ABLIM2: variants seen among roughly 807,000 people sequenced by gnomAD.
ABLIM2 encodes actin-binding LIM protein 2.
In ABLIM2, 53 loss-of-function variants were observed where a neutral mutation model predicts 97.7. The observed-to-expected ratio is 0.54, with a 90% CI of 0.44 to 0.68. The LOEUF is 0.68. Ranked by LOEUF, ABLIM2 falls within the 30% of genes least tolerant of loss-of-function variation. ABLIM2 has a pLI of 0.00. For synonymous variants in ABLIM2, 361 were observed against 345.8 expected, an observed-to-expected ratio of 1.04 and a Z score of -0.49; for missense variants, 835 against 867.2, an observed-to-expected ratio of 0.96 and a Z score of 0.47.
Position 8,061,037 on chromosome 4 carries a change from G to T in ABLIM2, c.693C>A (p.Tyr231Ter). The change falls in exon 7 of 21, where the codon TAC (tyrosine) becomes TAA (stop). Residue 231 changes from tyrosine (Y) to a stop codon, truncating the protein, a stop_gained. Transcript: ENST00000447017. LOFTEE classifies it high-confidence loss of function. The surrounding 1 kb of genome is among the most constrained non-coding windows in gnomAD (Gnocchi z 4.5). ...TGACACATAGCGCGCAGGAAGGGTG[G>T]TAGTGCTTCTCTCCGGCCTGTAAGA... ...GRVLEAGEKH[Y>*]HPSCALCVRC... is the part of the protein sequence containing the mutation. 1 of 1,594,526 alleles carries T rather than the reference G, an allele frequency of 6.3e-7. No homozygotes were observed.
chr4:7,987,067 C>G (rs1329870519), intron 17 of ABLIM2, among the ~76,000 whole-genome samples: 1 of 152,226 alleles, frequency 6.6e-6, no homozygotes. Context: ...ATTGCAACCT[C>G]TGCTTCCTGG....
At chr4:8,144,783 T>C (rs1449244503) in intron 1 of ABLIM2, among the ~76,000 whole-genome samples, 1 of 152,264 alleles carries the variant, frequency 6.6e-6, no homozygotes, top group Non-Finnish European at 1.5e-5. Flanking sequence ...GCTATGCTGC[T>C]GTTCTCTACC....
rs1841109513 is a variant in ABLIM2 at position 8,112,982 on chromosome 4, G to A, written c.11-6345C>T. On this transcript the variant is annotated intron_variant, in intron 1 of 20. Coordinates refer to ENST00000447017, the MANE Select transcript of ABLIM2 (RefSeq NM_001130083.2). The surrounding 1 kb of genome is among the most constrained non-coding windows in gnomAD (Gnocchi z 4.2). ...CACCAGCGTGACAGGCACAGGAAGA[G>A]GGACATGCCAGGCCAAAAGGGCATA... is the stretch of plus-strand genomic sequence containing the variant. Among the ~76,000 whole-genome samples the A allele has an allele frequency of 6.6e-6, 1 of 152,230 alleles. No homozygotes were observed. Among genetic ancestry groups the A allele is most frequent in the Non-Finnish European group, 1.5e-5 (1 of 68,042 alleles).
intron 1 of ABLIM2, among the ~76,000 whole-genome samples, chr4:8,158,022 G>A (rs941133100): frequency 6.6e-6 from 1 of 152,256 alleles, no homozygotes; most frequent in African/African-American, 2.4e-5. Flanking sequence ...CTCCAGCGCT[G>A]TGGGATTTTT....
intron 10 of ABLIM2, among the ~76,000 whole-genome samples, chr4:8,035,233 G>A (rs1187993125): frequency 6.6e-6 from 1 of 152,004 alleles, no homozygotes; most frequent in Non-Finnish European, 1.5e-5. Flanking sequence ...AGTCAGGAGG[G>A]CACCTGCTGG....
At chr4:8,064,293 T>G (rs1805535066) in intron 6 of ABLIM2, among the ~76,000 whole-genome samples, 1 of 152,224 alleles carries the variant, frequency 6.6e-6, no homozygotes, top group African/African-American at 2.4e-5. Flanking sequence ...ATCACCTGTG[T>G]GGCAGTATTG....
At chr4:8,084,381 C>T (rs899341200) in intron 4 of ABLIM2, among the ~76,000 whole-genome samples, 2 of 152,110 alleles carry the variant, frequency 1.3e-5, no homozygotes, top group African/African-American at 4.8e-5. Flanking sequence ...CTGGGTTTAA[C>T]CCCGGCCTCA....
rs1561112300 is a variant in ABLIM2 at position 8,066,426 on chromosome 4, GAA to G, written c.676-5374_676-5373del. ...GGAAGGAAGGAAGGAAGGAAGGAAGGAAGGGAGGGGTGGTTCCACATAAAAAC... is the reference window on the plus strand; with the variant it reads ...GGAAGGAAGGAAGGAAGGAAGGAAGGGGGAGGGGTGGTTCCACATAAAAAC... On this transcript the variant is annotated intron_variant, in intron 6 of 20. Coordinates refer to ENST00000447017, the MANE Select transcript of ABLIM2 (RefSeq NM_001130083.2). 109 of 141,254 alleles carry G rather than the reference GAA, an allele frequency of 7.7e-4. 2 individuals carry two copies. Among genetic ancestry groups the G allele is most frequent in the African/African-American group, 2.6e-3 (100 of 39,078 alleles). 8.8% of individuals were successfully genotyped at this position (141,254 alleles called of 1,614,324 possible).
chr4:7,966,632 T>C lies in ABLIM2; in HGVS notation c.*358A>G. On this transcript the variant is annotated 3_prime_UTR_variant, in exon 21 of 21. Transcript: ENST00000447017. ...CCTCACAGCTCACGTCCCGGCCACC[T>C]CTGTCCCCCACGTGCCCAGCACCGG... The C allele has an allele frequency of 4.2e-6, 1 of 239,484 alleles. No individual in the cohort carries two copies. 14.8% of individuals were successfully genotyped at this position (239,484 alleles called of 1,614,324 possible). A position where few individuals can be genotyped will look rare whatever the true frequency, so the allele number is the denominator to read the frequency against.
rs1209048240 is a variant in ABLIM2, at chr4:7,999,543, T to C, written c.1619-6616A>G. 6.6e-6 allele frequency among the ~76,000 whole-genome samples: 1 copy of C among 152,174 alleles called. No individual in the cohort carries two copies. The highest frequency in any genetic ancestry group is 6.5e-5 in the Admixed American group (1 of 15,278). ...CTGAGATGAGGAGGGCTCCCTAGCT[T>C]CAGGAACCAGTAACCCTATCTGCTC... On this transcript the variant is annotated intron_variant, in intron 16 of 20. Coordinates refer to ENST00000447017, the MANE Select transcript of ABLIM2 (RefSeq NM_001130083.2). This position sits in a 1 kb window ranked among gnomAD's most constrained non-coding sequence, Gnocchi z 4.4.
At chr4:8,063,631 G>A (rs1384289876) in intron 6 of ABLIM2, among the ~76,000 whole-genome samples, 3 of 152,212 alleles carry the variant, frequency 2.0e-5, no homozygotes, top group Non-Finnish European at 2.9e-5. Context: ...CCCATGCCCA[G>A]GCCTGGCAGG....
chr4:8,086,061 C>T (rs202060924), intron 4 of ABLIM2, among the ~76,000 whole-genome samples: 3 of 152,194 alleles, frequency 2.0e-5, no homozygotes, highest in Non-Finnish European at 4.4e-5. Flanking sequence ...AGACTGCAGA[C>T]ATCCACGCAG....
intron 20 of ABLIM2, among the ~76,000 whole-genome samples, chr4:7,981,264 C>G (rs2149622146): frequency 6.6e-6 from 1 of 152,178 alleles, no homozygotes; most frequent in African/African-American, 2.4e-5. Context: ...TTGTCTTAAC[C>G]CAGATGCTCC....
chr4:8,000,608 T>A (rs1228088374), intron 16 of ABLIM2, among the ~76,000 whole-genome samples: 2 of 152,088 alleles, frequency 1.3e-5, no homozygotes, highest in Non-Finnish European at 2.9e-5. Context: ...TCTGGACAGT[T>A]CTGCGGCTTT....
chr4:7,990,497 ATTTGTTTG>A (rs929454838), intron 17 of ABLIM2, among the ~76,000 whole-genome samples: 3 of 151,964 alleles, frequency 2.0e-5, no homozygotes, highest in Non-Finnish European at 2.9e-5. Context: ...CTCATGTAAT[ATTTGTTTG>A]TTTGTTTGTT....
intron 20 of ABLIM2, among the ~76,000 whole-genome samples, chr4:7,971,341 C>T (rs1360511421): frequency 2.6e-5 from 4 of 152,188 alleles, no homozygotes; most frequent in Admixed American, 6.5e-5. Context: ...GCACCTCACC[C>T]CCAGGGCCCG....
In ABLIM2 at chr4:8,096,869, C is replaced by G. The variant is rs549028132; in HGVS notation, c.338+230G>C. Among the ~76,000 whole-genome samples the G allele has an allele frequency of 2.6e-5, 4 of 152,306 alleles. No homozygotes were observed. In the South Asian group the frequency reaches 8.3e-4, roughly 32 times the overall value. On this transcript the variant is annotated intron_variant, in intron 3 of 20. Transcript: ENST00000447017. ...CTGCATGCTTGCTCTGTGCCATGCACCAGACCCAAAGCGGGGCAGCCCACC... is the reference window on the plus strand; with the variant it reads ...CTGCATGCTTGCTCTGTGCCATGCAGCAGACCCAAAGCGGGGCAGCCCACC...
chr4:8,079,233 G>A (rs982543377), intron 5 of ABLIM2, among the ~76,000 whole-genome samples: 4 of 152,214 alleles, frequency 2.6e-5, no homozygotes, highest in East Asian at 1.9e-4. Flanking sequence ...CAGGACTCCC[G>A]TAATAACCCA....
chr4:8,143,718 T>C (rs1329671245), intron 1 of ABLIM2, among the ~76,000 whole-genome samples: 1 of 152,132 alleles, frequency 6.6e-6, no homozygotes, highest in Non-Finnish European at 1.5e-5. Context: ...GTTGGCTGGG[T>C]GCTCCTGGAG....
Sources: gnomAD v4.1 joint callset for allele counts (sites outside exome capture counted in the v4.1 genomes callset) on GRCh38, gnomAD v4.1.1 for gene constraint, Gnocchi (gnomAD v3.1) non-coding constraint, MANE v1.5 for transcripts, NCBI Gene and HGNC (gene_info 2026-07-23, HGNC 2026-07-21) for gene names.